NCALD: variants seen among roughly 807,000 people sequenced by gnomAD.
The protein encoded by NCALD is neurocalcin-delta.
Under a neutral mutation model 18.6 loss-of-function variants are expected in NCALD, and 10 were observed. The observed-to-expected ratio is 0.54, with a 90% CI of 0.33 to 0.91. NCALD has a LOEUF of 0.91. NCALD is among the 40% of genes least tolerant of loss of function. The pLI, the probability that NCALD is intolerant of heterozygous loss-of-function variation, is 0.03. For synonymous variants in NCALD, 88 were observed against 87.4 expected (o/e 1.01, Z -0.04); for missense variants, 184 against 247.6 (o/e 0.74, Z 1.72).
chr8:101,809,514 T>C (rs1482874546), intron 4 of NCALD, among the ~76,000 whole-genome samples: 2 of 152,190 alleles, frequency 1.3e-5, no homozygotes, highest in Non-Finnish European at 2.9e-5. Flanking sequence ...AGCACAAATG[T>C]TATAATAGAA....
intron 1 of NCALD, among the ~76,000 whole-genome samples, chr8:102,072,884 T>A (rs988467645): frequency 4.6e-5 from 7 of 152,118 alleles, no homozygotes; most frequent in African/African-American, 1.7e-4. Context: ...TTTTCATAAG[T>A]GTAAATTCAT....
chr8:101,773,585 T>C (rs1157603275), intron 1 of NCALD, among the ~76,000 whole-genome samples: 6 of 152,140 alleles, frequency 3.9e-5, no homozygotes, highest in African/African-American at 1.4e-4. Flanking sequence ...GGAAGCTTTT[T>C]CCCCGCCTAA....
At chr8:101,977,867 T>C (rs1820479329) in intron 2 of NCALD, among the ~76,000 whole-genome samples, 2 of 152,220 alleles carry the variant, frequency 1.3e-5, no homozygotes, top group South Asian at 4.1e-4. Context: ...CTTACTTTCA[T>C]GAAGGCCCTG....
chr8:101,774,497 G>A (rs1358905941), intron 1 of NCALD, among the ~76,000 whole-genome samples: 26 of 152,198 alleles, frequency 1.7e-4, no homozygotes, highest in Admixed American at 1.7e-3. Context: ...TTGGGGAAAT[G>A]TGATTTAATT....
chr8:102,017,252 C>T (rs1822116490), intron 2 of NCALD, among the ~76,000 whole-genome samples: 1 of 151,472 alleles, frequency 6.6e-6, no homozygotes, highest in Admixed American at 6.6e-5. Flanking sequence ...TTTAGACATC[C>T]ATATAAAAAG....
chr8:101,887,659 C>T (rs1816723418), intron 3 of NCALD, among the ~76,000 whole-genome samples: 1 of 150,138 alleles, frequency 6.7e-6, no homozygotes, highest in African/African-American at 2.4e-5. Flanking sequence ...AAATATATAT[C>T]AATTATTTAA....
chr8:101,977,294 T>C (rs966735633), intron 2 of NCALD, among the ~76,000 whole-genome samples: 1 of 151,990 alleles, frequency 6.6e-6, no homozygotes, highest in Non-Finnish European at 1.5e-5. Context: ...GGAGAACAAG[T>C]CTCCATTTTC....
intron 2 of NCALD, among the ~76,000 whole-genome samples, chr8:101,718,257 T>C (rs544199320): frequency 5.3e-5 from 8 of 152,264 alleles, no homozygotes; most frequent in African/African-American, 1.9e-4. Context: ...TTTCATTTCA[T>C]TTATTTATTT....
intron 4 of NCALD, among the ~76,000 whole-genome samples, chr8:101,796,438 T>G (rs1005673651): frequency 6.6e-6 from 1 of 152,144 alleles, no homozygotes; most frequent in Non-Finnish European, 1.5e-5. Context: ...CTAATTTGTA[T>G]GTTCAAGAAA....
chr8:102,058,726 C>T (rs1257029234), intron 1 of NCALD, among the ~76,000 whole-genome samples: 1 of 152,182 alleles, frequency 6.6e-6, no homozygotes, highest in Non-Finnish European at 1.5e-5. Context: ...TGCCCCATGG[C>T]CTAATTCTCA....
At chr8:101,886,560 T>G (rs530601233) in intron 4 of NCALD, among the ~76,000 whole-genome samples, 1 of 152,242 alleles carries the variant, frequency 6.6e-6, no homozygotes, top group Non-Finnish European at 1.5e-5. Flanking sequence ...GCCAATTTCC[T>G]AACTGTTCAA....
intron 2 of NCALD, among the ~76,000 whole-genome samples, chr8:102,015,553 C>T (rs912218292): frequency 6.6e-6 from 1 of 152,172 alleles, no homozygotes; most frequent in Non-Finnish European, 1.5e-5. Flanking sequence ...CAACACAGTT[C>T]TACATCCATG....
chr8:101,689,237 A>C lies in NCALD; in HGVS notation c.*72T>G. ...CATTGATATTGTTTGGCAAAAAAAA[A>C]AAAAAATTGTTAAAAAGAAGAATCA... On this transcript the variant is annotated 3_prime_UTR_variant, in exon 4 of 4. Coordinates refer to ENST00000220931, the MANE Select transcript of NCALD (RefSeq NM_032041.3). The surrounding 1 kb of genome is among the most constrained non-coding windows in gnomAD (Gnocchi z 4.4). 1 of 1,499,358 alleles carries C rather than the reference A, an allele frequency of 6.7e-7. No homozygotes were observed. The allele number at this position is 1,499,358 out of a possible 1,614,324, so 92.9% of individuals were successfully genotyped here. A position where few individuals can be genotyped will look rare whatever the true frequency, so the allele number is the denominator to read the frequency against.
At chr8:102,064,444 C>T (rs1488574285) in intron 1 of NCALD, among the ~76,000 whole-genome samples, 3 of 152,186 alleles carry the variant, frequency 2.0e-5, no homozygotes, top group South Asian at 2.1e-4. Context: ...ATGGATGGCT[C>T]CCCACACCTC....
intron 1 of NCALD, among the ~76,000 whole-genome samples, chr8:102,116,490 G>A (rs898635476): frequency 2.6e-5 from 4 of 151,914 alleles, no homozygotes; most frequent in Non-Finnish European, 4.4e-5. Context: ...GGGTGGTGGT[G>A]TTGTTGTTTT....
chr8:101,782,416 T>C (rs1028678428), intron 1 of NCALD, among the ~76,000 whole-genome samples: 1 of 152,252 alleles, frequency 6.6e-6, no homozygotes, highest in Non-Finnish European at 1.5e-5. Flanking sequence ...GGGATTTAAA[T>C]GAGCTGTGTA....
intron 1 of NCALD, among the ~76,000 whole-genome samples, chr8:102,025,342 A>G (rs1733253825): frequency 6.6e-6 from 1 of 152,182 alleles, no homozygotes; most frequent in South Asian, 2.1e-4. Context: ...CTTTTCCTTC[A>G]TTGCATTTAT....
chr8:102,005,353 C>T (rs1334714642), intron 2 of NCALD, among the ~76,000 whole-genome samples: 1 of 152,102 alleles, frequency 6.6e-6, no homozygotes, highest in Non-Finnish European at 1.5e-5. Flanking sequence ...GTTAGAATGG[C>T]GATCATTCAA....
chr8:102,050,076 G>A (rs1420157249), intron 1 of NCALD, among the ~76,000 whole-genome samples: 2 of 146,614 alleles, frequency 1.4e-5, no homozygotes, highest in African/African-American at 5.1e-5. Context: ...GCAGGAGAAT[G>A]GCGTGAACCC....
Sources: gnomAD v4.1 joint callset for allele counts (sites outside exome capture counted in the v4.1 genomes callset) on GRCh38, gnomAD v4.1.1 for gene constraint, Gnocchi (gnomAD v3.1) non-coding constraint, MANE v1.5 for transcripts, NCBI Gene and HGNC (gene_info 2026-07-23, HGNC 2026-07-21) for gene names.